Variants in CCDC171 observed in about 807,000 individuals in gnomAD.
CCDC171 encodes the protein coiled-coil domain containing 171, also known as coiled-coil domain-containing protein 171.
In CCDC171, 177 loss-of-function variants were observed where a neutral mutation model predicts 168.2. The ratio of observed to expected loss-of-function variants is 1.05; its 90% CI spans 0.93 to 1.19. The LOEUF is 1.19. CCDC171 is among the 50% of genes most tolerant of loss of function. The pLI, the probability that CCDC171 is intolerant of heterozygous loss-of-function variation, is 0.00. For missense variants in CCDC171, 1,991 were observed against 1,539.0 expected (o/e 1.29, Z -4.91); for synonymous variants, 687 against 540.8 (o/e 1.27, Z -3.75).
At position 15,874,526 on chromosome 9, in the gene CCDC171, C is replaced by CT; in HGVS notation, c.3469-3dup. 4 of 1,584,398 alleles carry CT rather than the reference C, an allele frequency of 2.5e-6. No homozygotes were observed. In the South Asian group the frequency reaches 4.7e-5, roughly 18 times the overall value. On this transcript the variant is annotated splice_polypyrimidine_tract_variant and splice_region_variant and intron_variant, in intron 23 of 25. Transcript: ENST00000380701. Reference sequence around the variant, plus strand: ...ATTACCATTGATGCTGTTTTTTTCCCTTTAGGTCAGAGATCAGATCTCGCT... The same window carrying CT: ...ATTACCATTGATGCTGTTTTTTTCCCTTTTAGGTCAGAGATCAGATCTCGCT...
At chr9:15,650,101 G>A (rs1403274086) in intron 7 of CCDC171, among the ~76,000 whole-genome samples, 1 of 152,174 alleles carries the variant, frequency 6.6e-6, no homozygotes, top group South Asian at 2.1e-4. Context: ...CCTTTGTAGG[G>A]ACATGGATGA....
intron 25 of CCDC171, among the ~76,000 whole-genome samples, chr9:15,952,241 A>G (rs750370774): frequency 9.9e-5 from 15 of 152,110 alleles, no homozygotes; most frequent in Admixed American, 2.0e-4. Flanking sequence ...TGGTCTCTAT[A>G]TCTGTCTTTA....
At chr9:15,600,497 G>T (rs1193166934) in intron 6 of CCDC171, among the ~76,000 whole-genome samples, 1 of 152,180 alleles carries the variant, frequency 6.6e-6, no homozygotes, top group African/African-American at 2.4e-5. Context: ...TCTTCTGGAA[G>T]TTTTGTCGCA....
intron 21 of CCDC171, among the ~76,000 whole-genome samples, chr9:15,808,199 A>G (rs1588625002): frequency 6.6e-6 from 1 of 152,250 alleles, no homozygotes; most frequent in East Asian, 1.9e-4. Flanking sequence ...AGAGTAGAGA[A>G]GATTTGAAAT....
At chr9:15,578,311 T>C (rs2040836188) in intron 3 of CCDC171, among the ~76,000 whole-genome samples, 2 of 150,966 alleles carry the variant, frequency 1.3e-5, no homozygotes, top group Non-Finnish European at 3.0e-5. Context: ...CTCTGCTCAC[T>C]GCAACCTCTG....
At chr9:15,677,681 G>A (rs900289182) in intron 9 of CCDC171, among the ~76,000 whole-genome samples, 3 of 150,462 alleles carry the variant, frequency 2.0e-5, no homozygotes, top group South Asian at 2.1e-4. Context: ...CATACAGAAT[G>A]TAAACACAGT....
Position 15,747,764 on chromosome 9 carries a change from A to G in CCDC171, c.2671+2133A>G, listed in dbSNP as rs138820565. The stretch of plus-strand genomic sequence containing the variant: ...TGTAAGTCACCAACATCAAAGACCA[A>G]AGATAGATAAAACCACAAAATGGGG... On this transcript the variant is annotated intron_variant, in intron 18 of 25. Coordinates refer to ENST00000380701, the MANE Select transcript of CCDC171 (RefSeq NM_173550.4). 1.1e-3 allele frequency among the ~76,000 whole-genome samples: 167 copies of G among 152,332 alleles called. 1 individual carries two copies. Among genetic ancestry groups the G allele is most frequent in the African/African-American group, 3.9e-3 (162 of 41,580 alleles).
chr9:15,570,364 T>A (rs2040128447), intron 2 of CCDC171, among the ~76,000 whole-genome samples: 1 of 152,036 alleles, frequency 6.6e-6, no homozygotes, highest in Admixed American at 6.6e-5. Flanking sequence ...ATACTCCTAT[T>A]TTTTTTAGTA....
chr9:15,833,199 C>T (rs990960290), intron 21 of CCDC171, among the ~76,000 whole-genome samples: 6 of 151,926 alleles, frequency 3.9e-5, no homozygotes, highest in Non-Finnish European at 5.9e-5. Context: ...GCCATGTTGG[C>T]CAGGCTGGTC....
chr9:15,705,091 G>GAC (rs3082789), intron 11 of CCDC171, among the ~76,000 whole-genome samples: 52,161 of 147,608 alleles, frequency 0.35, 9,125 homozygotes, highest in Non-Finnish European at 0.4. Flanking sequence ...GTATCCTTAC[G>GAC]ACACACACAC....
intron 21 of CCDC171, among the ~76,000 whole-genome samples, chr9:15,812,794 C>T (rs180808497): frequency 6.6e-6 from 1 of 152,274 alleles, no homozygotes; most frequent in Non-Finnish European, 1.5e-5. Context: ...ACTTGTTGCC[C>T]ACTCTTCCTT....
Position 15,973,918 on chromosome 9 carries a change from G to C in CCDC171, c.*2082G>C, listed in dbSNP as rs1243705428. ...GTTGAATCTGTTTTCAGATCCTACT[G>C]ATTTTAGAGGAACAAGCAGCTTTGT... On this transcript the variant is annotated 3_prime_UTR_variant, in exon 26 of 26. Transcript: ENST00000380701. The C allele has an allele frequency of 6.6e-6, 1 of 152,088 alleles. No individual in the cohort carries two copies. The highest frequency in any genetic ancestry group is 6.6e-5 in the Admixed American group (1 of 15,262). The allele number at this position is 152,088 out of a possible 1,614,324, so 9.4% of individuals were successfully genotyped here. A position where few individuals can be genotyped will look rare whatever the true frequency, so the allele number is the denominator to read the frequency against.
intron 24 of CCDC171, chr9:15,886,159 T>C (rs962405324): frequency 3.9e-5 from 6 of 152,156 alleles, no homozygotes; most frequent in Non-Finnish European, 8.8e-5. Flanking sequence ...AAAGACCTAA[T>C]GCCATAAAAC....
intron 1 of CCDC171, among the ~76,000 whole-genome samples, chr9:15,562,572 T>C (rs181698574): frequency 6.6e-6 from 1 of 152,158 alleles, no homozygotes; most frequent in African/African-American, 2.4e-5. Flanking sequence ...ATTAAAAGTT[T>C]CGTAACCTCT....
intron 21 of CCDC171, among the ~76,000 whole-genome samples, chr9:15,791,558 A>T (rs200086161): frequency 2.6e-5 from 4 of 152,042 alleles, no homozygotes; most frequent in African/African-American, 4.8e-5. Flanking sequence ...CAATTTGACT[A>T]CCTCTTTTCC....
intron 1 of CCDC171, among the ~76,000 whole-genome samples, chr9:16,043,363 G>C (rs1237326862): frequency 6.6e-6 from 1 of 151,974 alleles, no homozygotes; most frequent in East Asian, 1.9e-4. Flanking sequence ...ATTTGTATTA[G>C]GGAGCTACAT....
In CCDC171 at chr9:15,821,947, C is replaced by T. The variant is rs1478953138; in HGVS notation, c.3268-24755C>T. Among the ~76,000 whole-genome samples the T allele has an allele frequency of 1.3e-5, 2 of 151,912 alleles. 1 individual carries two copies. Among genetic ancestry groups the T allele is most frequent in the Non-Finnish European group, 2.9e-5 (2 of 67,984 alleles). ...GACTTCAAACTATACAACAAGGCTA[C>T]AGTAACCAAAACACCATGGTAGTAT... On this transcript the variant is annotated intron_variant, in intron 21 of 25. Coordinates refer to ENST00000380701, the MANE Select transcript of CCDC171 (RefSeq NM_173550.4).
At chr9:15,888,696 T>C (rs1176410454) in intron 24 of CCDC171, among the ~76,000 whole-genome samples, 3 of 152,066 alleles carry the variant, frequency 2.0e-5, no homozygotes, top group African/African-American at 7.2e-5. Flanking sequence ...AAGCATATAT[T>C]GCAACAACTC....
chr9:15,649,854 A>C (rs931748636), intron 7 of CCDC171, among the ~76,000 whole-genome samples: 1 of 152,238 alleles, frequency 6.6e-6, no homozygotes, highest in Admixed American at 6.5e-5. Context: ...TTCCTCAAGG[A>C]TCTAAAACTA....
Sources: gnomAD v4.1 joint callset for allele counts (sites outside exome capture counted in the v4.1 genomes callset) on GRCh38, gnomAD v4.1.1 for gene constraint, MANE v1.5 for transcripts, NCBI Gene and HGNC (gene_info 2026-07-23, HGNC 2026-07-21) for gene names.